OTUD7B: variants seen among roughly 807,000 people sequenced by gnomAD.
The protein encoded by OTUD7B is OTU domain-containing protein 7B.
OTUD7B carries 34 observed loss-of-function variants against 82.2 expected under a neutral mutation model. The observed-to-expected ratio is 0.41, with a 90% CI of 0.31 to 0.55. The LOEUF is 0.55. OTUD7B is among the 20% of genes least tolerant of loss of function. The pLI, the probability that OTUD7B is intolerant of heterozygous loss-of-function variation, is 0.20. For synonymous variants in OTUD7B, 398 were observed against 402.7 expected (o/e 0.99, Z 0.14); for missense variants, 944 against 1,062.1 (o/e 0.89, Z 1.55).
At chr1:149,979,753 T>C (rs1232712250) in intron 1 of OTUD7B, among the ~76,000 whole-genome samples, 1 of 152,122 alleles carries the variant, frequency 6.6e-6, no homozygotes, top group Non-Finnish European at 1.5e-5. Flanking sequence ...TCCTTCAGAA[T>C]TAATAGATGA....
chr1:150,052,913 A>C, the OTUD7B span, among the ~76,000 whole-genome samples: 1 of 152,174 alleles, frequency 6.6e-6, no homozygotes, highest in Non-Finnish European at 1.5e-5. Context: ...ACTTCAACAA[A>C]GCTGACAAAA....
chr1:150,042,141 CCCTT>C, the OTUD7B span, among the ~76,000 whole-genome samples: 13 of 91,072 alleles, frequency 1.4e-4, no homozygotes, highest in East Asian at 2.4e-4. Flanking sequence ...CTCCCTCCCT[CCCTT>C]CCTTCCTCCC....
At chr1:149,995,506 G>C (rs1651865028) in intron 1 of OTUD7B, among the ~76,000 whole-genome samples, 1 of 151,886 alleles carries the variant, frequency 6.6e-6, no homozygotes, top group African/African-American at 2.4e-5. Flanking sequence ...TTGAACCTGG[G>C]AGGCAGGGGT....
At chr1:149,995,103 T>C (rs180752199) in intron 1 of OTUD7B, among the ~76,000 whole-genome samples, 88 of 152,302 alleles carry the variant, frequency 5.8e-4, no homozygotes, top group Middle Eastern at 6.8e-3. Flanking sequence ...ACTGACAACA[T>C]TTAGCATTCA....
intron 3 of OTUD7B, among the ~76,000 whole-genome samples, chr1:149,970,262 C>T (rs967744129): frequency 2.7e-5 from 4 of 150,880 alleles, no homozygotes; most frequent in Non-Finnish European, 5.9e-5. Flanking sequence ...AATAATGCTG[C>T]TGTGAATATC....
chr1:149,967,047 A>G (rs1649563260), intron 4 of OTUD7B, among the ~76,000 whole-genome samples: 1 of 152,094 alleles, frequency 6.6e-6, no homozygotes, highest in South Asian at 2.1e-4. Context: ...ATTGATTTCG[A>G]GGTATTGATT....
At position 149,938,944 on chromosome 1, in the gene OTUD7B, A is replaced by C. The variant is rs1279551892; in HGVS notation, c.*4913T>G. On this transcript the variant is annotated 3_prime_UTR_variant, in exon 12 of 12. Transcript: ENST00000581312. ...CGAAACTCTGTCTCAAAAAAAAAAA[A>C]AAAAAAAAGCGGGGTGGGGGGAAAT... 3.3e-5 allele frequency: 5 copies of C among 150,040 alleles called. No individual in the cohort carries two copies. The highest frequency in any genetic ancestry group is 7.3e-5 in the Non-Finnish European group (5 of 68,368). 9.3% of individuals were successfully genotyped at this position (150,040 alleles called of 1,614,324 possible).
At chr1:149,991,157 T>C (rs1651546291) in intron 1 of OTUD7B, among the ~76,000 whole-genome samples, 1 of 152,072 alleles carries the variant, frequency 6.6e-6, no homozygotes, top group East Asian at 1.9e-4. Flanking sequence ...ACTCTTACTA[T>C]TTTGTTTTTT....
chr1:149,977,588 A>G lies in OTUD7B; in HGVS notation c.-66-12T>C. On this transcript the variant is annotated splice_polypyrimidine_tract_variant and intron_variant, in intron 1 of 11. Coordinates refer to ENST00000581312, the MANE Select transcript of OTUD7B (RefSeq NM_020205.4). The stretch of plus-strand genomic sequence containing the variant: ...ATTCAGGCCTCCACCTGAGGAATAA[A>G]TAAATACATAAGGCTCAAATTACAC... 1 of 980,434 alleles carries G rather than the reference A, an allele frequency of 1.0e-6. No individual in the cohort carries two copies. Among genetic ancestry groups the G allele is most frequent in the East Asian group, 2.4e-5 (1 of 41,882 alleles). The allele number at this position is 980,434 out of a possible 1,614,324, so 60.7% of individuals were successfully genotyped here.
intron 2 of OTUD7B, among the ~76,000 whole-genome samples, chr1:149,976,378 G>A (rs782387120): frequency 6.6e-6 from 1 of 151,854 alleles, no homozygotes; most frequent in African/African-American, 2.4e-5. Context: ...GGGAGAGGCC[G>A]AGGCAGGCGG....
the OTUD7B span, among the ~76,000 whole-genome samples, chr1:150,062,357 G>T: frequency 6.6e-6 from 1 of 152,156 alleles, no homozygotes; most frequent in African/African-American, 2.4e-5. Flanking sequence ...TTTAATTTTT[G>T]GATATGAAAT....
intron 1 of OTUD7B, among the ~76,000 whole-genome samples, chr1:149,996,993 A>T (rs1553783590): frequency 6.6e-6 from 1 of 152,220 alleles, no homozygotes. Flanking sequence ...AGCAGAAAAC[A>T]TTTAAAAATG....
In OTUD7B at chr1:149,948,961, T is replaced by G; in HGVS notation, c.1238+8A>C. ...ACAAAATAGATGAAAAGACTAGGCC[T>G]GGCTTACCTGGCCAATCGGACATTG... On this transcript the variant is annotated splice_region_variant and intron_variant, in intron 10 of 11. Coordinates refer to ENST00000581312, the MANE Select transcript of OTUD7B (RefSeq NM_020205.4). 1.3e-6 allele frequency: 2 copies of G among 1,556,400 alleles called. No homozygotes were observed. Among genetic ancestry groups the G allele is most frequent in the Non-Finnish European group, 1.8e-6 (2 of 1,127,368 alleles).
chr1:149,950,011 T>C, intron 8 of OTUD7B, 83 bp downstream of exon 8: 1 of 1,562,200 alleles, frequency 6.4e-7, no homozygotes, highest in Non-Finnish European at 8.7e-7. Context: ...ATATCCCCTT[T>C]CCTGCCTTCC....
chr1:149,945,468 C>A (rs782740588), intron 11 of OTUD7B, among the ~76,000 whole-genome samples: 1 of 152,140 alleles, frequency 6.6e-6, no homozygotes, highest in African/African-American at 2.4e-5. Context: ...TTAGAATGTT[C>A]TTTATTATAC....
intron 3 of OTUD7B, among the ~76,000 whole-genome samples, chr1:149,969,674 T>C (rs746322115): frequency 2.0e-5 from 3 of 152,208 alleles, no homozygotes; most frequent in African/African-American, 7.2e-5. Flanking sequence ...ACTACATACA[T>C]TGCATTGTGT....
At chr1:149,958,744 T>C (rs1648908095) in intron 7 of OTUD7B, among the ~76,000 whole-genome samples, 1 of 218 alleles carries the variant, frequency 4.6e-3, no homozygotes, top group Admixed American at 0.062. Context: ...AACTGGTTGA[T>C]GTCTTTTTTT....
At chr1:149,978,084 T>C (rs1392261509) in intron 1 of OTUD7B, among the ~76,000 whole-genome samples, 13 of 152,362 alleles carry the variant, frequency 8.5e-5, no homozygotes, top group African/African-American at 3.1e-4. Context: ...CTTGGCACAG[T>C]GCTAGGCACA....
the OTUD7B span, among the ~76,000 whole-genome samples, chr1:150,039,262 G>GTCT: frequency 2.0e-5 from 3 of 151,862 alleles, no homozygotes; most frequent in East Asian, 5.8e-4. Flanking sequence ...CTCTTCATAT[G>GTCT]TCAAATTCCT....
Sources: allele counts gnomAD v4.1 joint callset (sites outside exome capture counted in the v4.1 genomes callset), GRCh38; gene constraint gnomAD v4.1.1; transcripts MANE v1.5; gene names NCBI Gene and HGNC (gene_info 2026-07-23, HGNC 2026-07-21).